ADGRB3: variants seen among roughly 807,000 people sequenced by gnomAD.
ADGRB3 encodes the protein brain-specific angiogenesis inhibitor 3.
ADGRB3 carries 37 observed loss-of-function variants against 193.4 expected under a neutral mutation model. The ratio of observed to expected loss-of-function variants is 0.19; its 90% CI spans 0.15 to 0.25. ADGRB3 has a LOEUF of 0.25. ADGRB3 is among the 10% of genes least tolerant of loss of function. ADGRB3 has a pLI of 1.00. For synonymous variants in ADGRB3, 690 were observed against 644.2 expected (o/e 1.07, Z -1.08); for missense variants, 1,637 against 1,852.9 (o/e 0.88, Z 2.14).
chr6:69,079,731 T>C (rs1582445374), intron 17 of ADGRB3, among the ~76,000 whole-genome samples: 1 of 152,032 alleles, frequency 6.6e-6, no homozygotes, highest in Non-Finnish European at 1.5e-5. Flanking sequence ...TATTAGATCA[T>C]GCGTGGTGAC....
rs193250567 is a variant in ADGRB3, at chr6:69,264,631, C to G, written c.2814+25405C>G. On this transcript the variant is annotated intron_variant, in intron 20 of 31. Transcript: ENST00000370598. ...TTGGACTCAGACTTGCATTCTCGCT[C>G]TAGGTCTTCTCAGAAATATACCTAT... 1.8e-4 allele frequency among the ~76,000 whole-genome samples: 28 copies of G among 151,868 alleles called. No individual in the cohort carries two copies. In the East Asian group the frequency reaches 5.4e-3, roughly 29 times the overall value.
At chr6:68,797,514 G>C (rs562040759) in intron 3 of ADGRB3, among the ~76,000 whole-genome samples, 41 of 152,034 alleles carry the variant, frequency 2.7e-4, no homozygotes, top group Admixed American at 5.9e-4. Context: ...CTTAATCCTA[G>C]TAGCAGCATC....
intron 11 of ADGRB3, among the ~76,000 whole-genome samples, chr6:69,007,666 A>ATCTCTC (rs754438943): frequency 2.9e-4 from 41 of 140,704 alleles, no homozygotes; most frequent in African/African-American, 6.5e-4. Context: ...ATCTAAAGTA[A>ATCTCTC]TCTCTCTCTC....
chr6:68,996,507 A>G (rs1356807631), intron 11 of ADGRB3, among the ~76,000 whole-genome samples: 1 of 152,184 alleles, frequency 6.6e-6, no homozygotes, highest in Non-Finnish European at 1.5e-5. Context: ...CCACATATGT[A>G]GGTTACCTAC....
chr6:68,647,859 A>G (rs1254028863), intron 3 of ADGRB3, among the ~76,000 whole-genome samples: 1 of 152,190 alleles, frequency 6.6e-6, no homozygotes, highest in Non-Finnish European at 1.5e-5. Context: ...AGGATGACTT[A>G]GCTGGAATTT....
chr6:68,979,953 T>C (rs2150268074), intron 10 of ADGRB3, among the ~76,000 whole-genome samples: 1 of 151,488 alleles, frequency 6.6e-6, no homozygotes, highest in African/African-American at 2.4e-5. Context: ...TATGCCCCTG[T>C]AGGTAGACAA....
At chr6:68,899,652 T>C (rs1766338213) in intron 3 of ADGRB3, among the ~76,000 whole-genome samples, 1 of 152,070 alleles carries the variant, frequency 6.6e-6, no homozygotes, top group African/African-American at 2.4e-5. Context: ...TAGTATTCCA[T>C]GGTGTATATG....
chr6:69,104,849 T>A (rs1028371389), intron 17 of ADGRB3, among the ~76,000 whole-genome samples: 1 of 152,182 alleles, frequency 6.6e-6, no homozygotes, highest in Non-Finnish European at 1.5e-5. Flanking sequence ...CAAAAACATA[T>A]GTGTATTATG....
At chr6:69,023,914 G>T (rs1770345998) in intron 13 of ADGRB3, among the ~76,000 whole-genome samples, 1 of 152,022 alleles carries the variant, frequency 6.6e-6, no homozygotes, top group Non-Finnish European at 1.5e-5. Flanking sequence ...TGGAGGGATT[G>T]ATATTATGTT....
At chr6:68,725,159 G>T (rs1380687188) in intron 3 of ADGRB3, among the ~76,000 whole-genome samples, 3 of 151,644 alleles carry the variant, frequency 2.0e-5, no homozygotes, top group Non-Finnish European at 4.4e-5. Context: ...GTTTCTTAAA[G>T]AATAAACCTG....
chr6:68,777,012 G>C (rs1372337747), intron 3 of ADGRB3, among the ~76,000 whole-genome samples: 1 of 152,090 alleles, frequency 6.6e-6, no homozygotes, highest in African/African-American at 2.4e-5. Context: ...TTAGCTGCTT[G>C]ATTATAGAAA....
At chr6:68,922,277 A>C (rs956089103) in intron 3 of ADGRB3, among the ~76,000 whole-genome samples, 10 of 152,314 alleles carry the variant, frequency 6.6e-5, no homozygotes, top group African/African-American at 2.4e-4. Context: ...TCATTCCCAA[A>C]TGCCTTTGAT....
At chr6:68,670,385 A>T (rs1383753609) in intron 3 of ADGRB3, among the ~76,000 whole-genome samples, 1 of 151,940 alleles carries the variant, frequency 6.6e-6, no homozygotes, top group Non-Finnish European at 1.5e-5. Flanking sequence ...TTCTTGTAGT[A>T]GTTTCATAGT....
intron 17 of ADGRB3, among the ~76,000 whole-genome samples, chr6:69,113,937 A>G (rs548090841): frequency 6.7e-4 from 102 of 152,328 alleles, no homozygotes; most frequent in Admixed American, 3.3e-3. Flanking sequence ...ATATTAAAAC[A>G]AAAATTTGCA....
At chr6:69,061,758 A>C (rs1771755568) in intron 15 of ADGRB3, among the ~76,000 whole-genome samples, 1 of 152,202 alleles carries the variant, frequency 6.6e-6, no homozygotes, top group Admixed American at 6.5e-5. Flanking sequence ...ATGTTATGCT[A>C]AATGAATTAA....
chr6:69,039,765 G>A (rs564383222), intron 13 of ADGRB3, among the ~76,000 whole-genome samples: 5 of 134,810 alleles, frequency 3.7e-5, no homozygotes, highest in African/African-American at 8.4e-5. Flanking sequence ...TTTTTGAGAC[G>A]GAGTCTTGCT....
At chr6:69,023,962 A>G (rs1770347460) in intron 13 of ADGRB3, among the ~76,000 whole-genome samples, 1 of 152,176 alleles carries the variant, frequency 6.6e-6, no homozygotes, top group Non-Finnish European at 1.5e-5. Context: ...TGACATATTA[A>G]TATTTAGACA....
intron 10 of ADGRB3, among the ~76,000 whole-genome samples, chr6:68,978,106 C>T (rs1461789991): frequency 1.3e-5 from 2 of 151,394 alleles, no homozygotes; most frequent in African/African-American, 4.8e-5. Context: ...TGGAATGGAA[C>T]AAATGAGATA....
At chr6:69,065,605 A>G (rs1461188183) in intron 16 of ADGRB3, among the ~76,000 whole-genome samples, 1 of 152,114 alleles carries the variant, frequency 6.6e-6, no homozygotes, top group African/African-American at 2.4e-5. Flanking sequence ...AGTCTTATAA[A>G]GATATATTCT....
Sources: gnomAD v4.1 joint callset for allele counts (sites outside exome capture counted in the v4.1 genomes callset) on GRCh38, gnomAD v4.1.1 for gene constraint, MANE v1.5 for transcripts, NCBI Gene and HGNC (gene_info 2026-07-23, HGNC 2026-07-21) for gene names.